The following CCDC38 variants were observed in gnomAD, a reference collection of about 807,000 sequenced individuals.
The protein encoded by CCDC38 is coiled-coil domain containing 38.
In CCDC38, 69 loss-of-function variants were observed where a neutral mutation model predicts 72.8. The ratio of observed to expected loss-of-function variants is 0.95; its 90% CI spans 0.78 to 1.16. The LOEUF is 1.16. Ranked by LOEUF, CCDC38 falls within the 50% of genes most tolerant of loss-of-function variation. The pLI is 0.00. For synonymous variants in CCDC38, 201 were observed against 213.2 expected, an observed-to-expected ratio of 0.94 and a Z score of 0.50; for missense variants, 626 against 638.9, an observed-to-expected ratio of 0.98 and a Z score of 0.22.
At chr12:95,894,371 A>G (rs2079862954) in intron 8 of CCDC38, among the ~76,000 whole-genome samples, 1 of 152,304 alleles carries the variant, frequency 6.6e-6, no homozygotes, top group Admixed American at 6.5e-5. Context: ...TGCAAATAAT[A>G]TATTTTCTCT....
At chr12:95,893,751 G>A in intron 8 of CCDC38, among the ~76,000 whole-genome samples, 1 of 151,888 alleles carries the variant, frequency 6.6e-6, no homozygotes, top group East Asian at 1.9e-4. Flanking sequence ...AAAATGCTGG[G>A]ATTACAGACA....
chr12:95,918,944 T>C lies in CCDC38; in HGVS notation c.70A>G (p.Arg24Gly), dbSNP rs776696706. 33 of 1,610,938 alleles carry C rather than the reference T, an allele frequency of 2.0e-5. No individual in the cohort carries two copies. Among genetic ancestry groups the C allele is most frequent in the Non-Finnish European group, 2.8e-5 (33 of 1,177,358 alleles). ...KVKDGSTKED[R>G]PYKIFFRDLF... The stretch of plus-strand genomic sequence containing the variant: ...TCTCTGAAAAAGATCTTATAAGGCC[T>C]GTCCTCTTTGGTTGAGCCATCTTTT... Residue 24 changes from arginine to glycine, a missense_variant, in exon 3 of 16, where the codon AGG becomes GGG. By Grantham distance (125) the Arg-to-Gly change is moderately radical. Coordinates refer to ENST00000344280, the MANE Select transcript of CCDC38 (RefSeq NM_182496.3).
chr12:95,913,732 A>G (rs1373563385), intron 4 of CCDC38, among the ~76,000 whole-genome samples: 1 of 152,220 alleles, frequency 6.6e-6, no homozygotes, highest in African/African-American at 2.4e-5. Context: ...TATTATTTAA[A>G]CAATACAATT....
chr12:95,875,277 G>A (rs558962187), intron 13 of CCDC38, among the ~76,000 whole-genome samples: 1 of 152,132 alleles, frequency 6.6e-6, no homozygotes, highest in African/African-American at 2.4e-5. Flanking sequence ...CCTGATCTGG[G>A]GGGTAGCACA....
chr12:95,878,253 C>CT lies in CCDC38; in HGVS notation c.1235dup (p.Ser413ValfsTer5). ...ATTCTCCAAAGCTAAAGAGCTTGGA[C>CT]TTTAATTGCAATTCTGCTGCTTTCT... On this transcript the variant is annotated frameshift_variant, in exon 13 of 16. Coordinates refer to ENST00000344280, the MANE Select transcript of CCDC38 (RefSeq NM_182496.3). LOFTEE classifies it high-confidence loss of function. 6.2e-7 allele frequency: 1 copy of CT among 1,613,584 alleles called. No homozygotes were observed. Among genetic ancestry groups the CT allele is most frequent in the Non-Finnish European group, 8.5e-7 (1 of 1,179,794 alleles).
At chr12:95,873,498 G>A (rs2079603694) in intron 13 of CCDC38, among the ~76,000 whole-genome samples, 1 of 152,122 alleles carries the variant, frequency 6.6e-6, no homozygotes, top group Non-Finnish European at 1.5e-5. Context: ...CCTGTACCTC[G>A]ACACTGTGCC....
At chr12:95,919,407 T>C (rs2080179539) in intron 2 of CCDC38, 2 of 410,498 alleles carry the variant, frequency 4.9e-6, no homozygotes, top group Admixed American at 5.2e-5. Flanking sequence ...TTACAGGGCA[T>C]ACTTCTACGT....
chr12:95,939,487 G>A (rs1006370679), intron 1 of CCDC38, among the ~76,000 whole-genome samples: 16 of 152,204 alleles, frequency 1.1e-4, no homozygotes, highest in African/African-American at 3.4e-4. Flanking sequence ...CCTTCCTTGG[G>A]ATAGCAGTGG....
At chr12:95,873,953 G>T (rs1248353618) in intron 13 of CCDC38, among the ~76,000 whole-genome samples, 2 of 152,106 alleles carry the variant, frequency 1.3e-5, no homozygotes, top group Non-Finnish European at 2.9e-5. Context: ...CTATTTACAT[G>T]AATGACATGA....
At chr12:95,880,902 C>G (rs1023501871) in intron 11 of CCDC38, among the ~76,000 whole-genome samples, 1 of 152,036 alleles carries the variant, frequency 6.6e-6, no homozygotes, top group Admixed American at 6.6e-5. Context: ...TCAGAAAGTT[C>G]TAGAGATCTA....
At chr12:95,925,912 GCT>G (rs1457936472) in intron 2 of CCDC38, among the ~76,000 whole-genome samples, 3 of 132,454 alleles carry the variant, frequency 2.3e-5, no homozygotes, top group Non-Finnish European at 4.8e-5. Context: ...CGGTGGATAA[GCT>G]TTTTGATGTG....
chr12:95,879,652 C>G lies in CCDC38; in HGVS notation c.1134G>C (p.Gln378His). The stretch of plus-strand genomic sequence containing the variant: ...TGTTTATAATGACTTACGTTTTATC[C>G]TGTATAACTTTTTCTCTTTTGTTTA... ...EEVNKREKVI[Q>H]DKTNSNIEFL... Residue 378 changes from glutamine (Q) to histidine (H), a missense_variant, in exon 12 of 16, where the codon CAG becomes CAC. By Grantham distance (24) the Gln-to-His change is conservative (BLOSUM62 0). Coordinates refer to ENST00000344280, the MANE Select transcript of CCDC38 (RefSeq NM_182496.3). This position sits in a 1 kb window ranked among gnomAD's most constrained non-coding sequence, Gnocchi z 5.5. 1 of 1,585,670 alleles carries G rather than the reference C, an allele frequency of 6.3e-7. No homozygotes were observed. The highest frequency in any genetic ancestry group is 8.6e-7 in the Non-Finnish European group (1 of 1,158,456).
intron 2 of CCDC38, among the ~76,000 whole-genome samples, chr12:95,920,475 C>T (rs139382184): frequency 3.3e-5 from 5 of 152,170 alleles, no homozygotes; most frequent in East Asian, 3.9e-4. Context: ...AACTGATTAA[C>T]GATAAACAAA....
chr12:95,869,984 C>G (rs1352916613), intron 14 of CCDC38, among the ~76,000 whole-genome samples: 1 of 152,064 alleles, frequency 6.6e-6, no homozygotes, highest in Non-Finnish European at 1.5e-5. Context: ...CCACCACACC[C>G]GGCTAATTTT....
At chr12:95,926,088 A>G (rs1409585761) in intron 2 of CCDC38, among the ~76,000 whole-genome samples, 41 of 143,038 alleles carry the variant, frequency 2.9e-4, no homozygotes, top group Non-Finnish European at 5.6e-4. Flanking sequence ...CTCTTTTTCT[A>G]TTGATTGGAA....
intron 2 of CCDC38, among the ~76,000 whole-genome samples, chr12:95,922,226 C>T (rs919548175): frequency 6.6e-6 from 1 of 152,218 alleles, no homozygotes; most frequent in Non-Finnish European, 1.5e-5. Flanking sequence ...TGATCATCTC[C>T]TATTCACCCT....
intron 13 of CCDC38, among the ~76,000 whole-genome samples, chr12:95,877,311 C>T (rs568764902): frequency 6.6e-6 from 1 of 152,264 alleles, no homozygotes; most frequent in East Asian, 1.9e-4. Flanking sequence ...AGACATATAG[C>T]TTAGAAGGTA....
intron 2 of CCDC38, among the ~76,000 whole-genome samples, chr12:95,920,052 T>C (rs1307043775): frequency 6.6e-6 from 1 of 152,208 alleles, no homozygotes; most frequent in African/African-American, 2.4e-5. Context: ...TAGAGCAGTA[T>C]TATTTTTAAT....
chr12:95,938,206 C>G (rs1348631070), intron 1 of CCDC38, among the ~76,000 whole-genome samples: 1 of 152,106 alleles, frequency 6.6e-6, no homozygotes, highest in African/African-American at 2.4e-5. Flanking sequence ...CATTTTTTCA[C>G]AGGCATTAAA....
Sources: gnomAD v4.1 joint callset for allele counts (sites outside exome capture counted in the v4.1 genomes callset) on GRCh38, gnomAD v4.1.1 for gene constraint, Gnocchi (gnomAD v3.1) non-coding constraint, MANE v1.5 for transcripts, NCBI Gene and HGNC (gene_info 2026-07-23, HGNC 2026-07-21) for gene names.